Variants in SORL1 observed in about 807,000 individuals in gnomAD.
SORL1 encodes the protein sortilin-related receptor.
A neutral mutation model predicts 273.7 loss-of-function variants in SORL1; 127 were observed. The ratio of observed to expected loss-of-function variants is 0.46; its 90% CI spans 0.40 to 0.54. SORL1 has a LOEUF of 0.54. SORL1 is among the 20% of genes least tolerant of loss of function. The pLI is 0.00. For synonymous variants in SORL1, 1,031 were observed against 1,067.4 expected, an observed-to-expected ratio of 0.97 and a Z score of 0.66; for missense variants, 2,494 against 2,846.1, an observed-to-expected ratio of 0.88 and a Z score of 2.81.
At chr11:121,539,748 C>A (rs923701252) in intron 12 of SORL1, among the ~76,000 whole-genome samples, 1 of 151,768 alleles carries the variant, frequency 6.6e-6, no homozygotes, top group Non-Finnish European at 1.5e-5. Flanking sequence ...ATTTTCAATT[C>A]AAAGTTCTAG....
intron 21 of SORL1, 118 bp from the exon 22 acceptor site, chr11:121,566,820 TGA>T: frequency 1.0e-6 from 1 of 955,858 alleles, no homozygotes; most frequent in Non-Finnish European, 1.5e-6. Flanking sequence ...ACTTGACCCT[TGA>T]GAGCTTCTCG....
intron 26 of SORL1, among the ~76,000 whole-genome samples, chr11:121,585,498 T>TACAC (rs761065310): frequency 0.018 from 1,903 of 106,686 alleles, 26 homozygotes; most frequent in East Asian, 0.038. Flanking sequence ...AAAAAATGTA[T>TACAC]ATACACACAC....
intron 6 of SORL1, among the ~76,000 whole-genome samples, chr11:121,500,482 A>G (rs1055649537): frequency 1.1e-4 from 17 of 152,156 alleles, no homozygotes; most frequent in African/African-American, 4.1e-4. Context: ...TGTTTTTGTA[A>G]ATGAAGTTTT....
intron 8 of SORL1, among the ~76,000 whole-genome samples, chr11:121,514,875 TG>T: frequency 6.6e-6 from 1 of 151,988 alleles, no homozygotes. Context: ...CATCAAGGGG[TG>T]GTGGAGGAGT....
chr11:121,529,536 A>G (rs1591313438), intron 11 of SORL1, among the ~76,000 whole-genome samples: 5 of 152,036 alleles, frequency 3.3e-5, no homozygotes, highest in Admixed American at 3.3e-4. Context: ...ACATCTTTTA[A>G]CATCCATTCG....
rs572500031 is a variant in SORL1 at position 121,596,805 on chromosome 11, A to G, written c.4519+1033A>G. On this transcript the variant is annotated intron_variant, in intron 32 of 47. Transcript: ENST00000260197. The surrounding 1 kb of genome is among the most constrained non-coding windows in gnomAD (Gnocchi z 4.3). ...AAGCAGCAAACGCCTCAGTTCCTCCACTTTGATCCCTGTTCTGGTCCCATT... is the reference window on the plus strand; with the variant it reads ...AAGCAGCAAACGCCTCAGTTCCTCCGCTTTGATCCCTGTTCTGGTCCCATT... 6.6e-6 allele frequency among the ~76,000 whole-genome samples: 1 copy of G among 150,612 alleles called. No individual in the cohort carries two copies. Among genetic ancestry groups the G allele is most frequent in the East Asian group, 2.0e-4 (1 of 5,112 alleles).
rs192488661 is a variant in SORL1, at chr11:121,504,353, A to G, written c.939+7304A>G. 4.1e-3 allele frequency among the ~76,000 whole-genome samples: 626 copies of G among 152,282 alleles called. 6 individuals are homozygous for G. Among genetic ancestry groups the G allele is most frequent in the Non-Finnish European group, 6.5e-3 (444 of 68,014 alleles). On this transcript the variant is annotated intron_variant, in intron 6 of 47. Coordinates refer to ENST00000260197, the MANE Select transcript of SORL1 (RefSeq NM_003105.6). ...CTTGAACCTGGGAGGTGGAGATTGC[A>G]GTGAGCTGAGATCGTGCCACTGCAC...
chr11:121,589,928 G>T, intron 29 of SORL1, 112 bp from the exon 30 acceptor site: 1 of 1,266,730 alleles, frequency 7.9e-7, no homozygotes, highest in South Asian at 1.4e-5. Context: ...CTTTATGGGT[G>T]GGAAGTGTGG....
Position 121,631,815 on chromosome 11 carries a change from T to G in SORL1, c.*2252T>G, listed in dbSNP as rs914304775. 6 of 152,218 alleles carry G rather than the reference T, an allele frequency of 3.9e-5. No individual in the cohort carries two copies. Among genetic ancestry groups the G allele is most frequent in the African/African-American group, 1.4e-4 (6 of 41,452 alleles). 9.4% of individuals were successfully genotyped at this position (152,218 alleles called of 1,614,324 possible). A position where few individuals can be genotyped will look rare whatever the true frequency, so the allele number is the denominator to read the frequency against. The stretch of plus-strand genomic sequence containing the variant: ...CCTTTTAGGGCTAGAGTATTTTATA[T>G]AAACAGAAGAGCTAAGTTCCTGAAG... On this transcript the variant is annotated 3_prime_UTR_variant, in exon 48 of 48. Coordinates refer to ENST00000260197, the MANE Select transcript of SORL1 (RefSeq NM_003105.6).
intron 6 of SORL1, among the ~76,000 whole-genome samples, chr11:121,505,013 C>T (rs934375677): frequency 6.6e-6 from 1 of 152,104 alleles, no homozygotes; most frequent in African/African-American, 2.4e-5. Context: ...GGATCTTTCT[C>T]ATATGTTAAA....
chr11:121,542,896 G>A (rs1387247191), intron 12 of SORL1, among the ~76,000 whole-genome samples: 1 of 150,772 alleles, frequency 6.6e-6, no homozygotes, highest in Non-Finnish European at 1.5e-5. Context: ...AAAAATTGGG[G>A]GCCAGACACG....
chr11:121,608,579 A>C (rs901335383), intron 38 of SORL1: 1 of 201,840 alleles, frequency 5.0e-6, no homozygotes, highest in East Asian at 1.4e-4. Context: ...TCCCAGTGGC[A>C]CTGGCAAACT....
chr11:121,455,249 C>T (rs1860884044), intron 1 of SORL1, among the ~76,000 whole-genome samples: 1 of 152,280 alleles, frequency 6.6e-6, no homozygotes, highest in South Asian at 2.1e-4. Context: ...CACAACTCTA[C>T]AATGGTGTGA....
chr11:121,632,901 C>T lies in SORL1; in HGVS notation c.*3338C>T, dbSNP rs984051979. ...CTTCTGCAGACAGTTGGATGAGTCC[C>T]TTAGAGAAGGCATCCAGAGACATAA... is the stretch of plus-strand genomic sequence containing the variant. On this transcript the variant is annotated 3_prime_UTR_variant, in exon 48 of 48. Transcript: ENST00000260197. The T allele has an allele frequency of 6.6e-6, 1 of 152,048 alleles. No individual in the cohort carries two copies. Among genetic ancestry groups the T allele is most frequent in the Non-Finnish European group, 1.5e-5 (1 of 68,014 alleles). The allele number at this position is 152,048 out of a possible 1,614,324, so 9.4% of individuals were successfully genotyped here. A position where few individuals can be genotyped will look rare whatever the true frequency, so the allele number is the denominator to read the frequency against.
chr11:121,509,060 T>A (rs1338669631), intron 6 of SORL1, among the ~76,000 whole-genome samples: 1 of 152,200 alleles, frequency 6.6e-6, no homozygotes, highest in Non-Finnish European at 1.5e-5. Flanking sequence ...CTCACTACTT[T>A]TTTTTCCCCC....
At chr11:121,545,478 A>C (rs11218325) in intron 14 of SORL1, 49 bp downstream of exon 14, 592,634 of 1,557,706 alleles carry the variant, frequency 0.38, 114,635 homozygotes, top group Middle Eastern at 0.44. Flanking sequence ...TTATTCACTC[A>C]GCAGTGTTGG....
chr11:121,518,322 G>T (rs1328380222), intron 8 of SORL1, among the ~76,000 whole-genome samples: 1 of 152,196 alleles, frequency 6.6e-6, no homozygotes, highest in Non-Finnish European at 1.5e-5. Context: ...GACCCTCAGA[G>T]AAAGTACTTA....
In SORL1 at chr11:121,627,610, G is replaced by A. The variant is rs773931065; in HGVS notation, c.6420G>A (p.Val2140=). 1.2e-6 allele frequency: 2 copies of A among 1,614,204 alleles called. No individual in the cohort carries two copies. Among genetic ancestry groups the A allele is most frequent in the East Asian group, 2.2e-5 (1 of 44,884 alleles). The change falls in exon 47 of 48, where the codon GTG becomes GTA. Residue 2140 remains valine (V), a synonymous_variant. Transcript: ENST00000260197. This position sits in a 1 kb window ranked among gnomAD's most constrained non-coding sequence, Gnocchi z 4.9. ...AARSTDVAAV[V]VPILFLILLS... ...GATCTACGGATGTTGCTGCTGTGGT[G>A]GTGCCCATCTTATTCCTGATACTGC...
intron 13 of SORL1, 121 bp from the exon 14 acceptor site, chr11:121,545,122 G>A: frequency 1.2e-6 from 1 of 831,248 alleles, no homozygotes; most frequent in Non-Finnish European, 1.9e-6. Flanking sequence ...GGGTCTGTGT[G>A]CTTGCGGGGT....
Sources: allele counts gnomAD v4.1 joint callset (sites outside exome capture counted in the v4.1 genomes callset), GRCh38; gene constraint gnomAD v4.1.1; non-coding constraint Gnocchi (gnomAD v3.1); transcripts MANE v1.5; gene names NCBI Gene and HGNC (gene_info 2026-07-23, HGNC 2026-07-21).